Variants in ERAP1 observed in about 807,000 individuals in gnomAD.
ERAP1 encodes the protein adipocyte-derived leucine aminopeptidase.
Under a neutral mutation model 103.7 loss-of-function variants are expected in ERAP1, and 86 were observed. That is an observed-to-expected ratio of 0.83 (90% CI 0.70 to 0.99). The LOEUF is 0.99. Among genes scored for constraint, ERAP1 ranks in the 50% least tolerant of loss-of-function variants. The probability of loss-of-function intolerance (pLI) is 0.00; values close to 1 mark genes in which losing one functional copy is unlikely to be tolerated. For synonymous variants in ERAP1, 398 were observed against 402.4 expected (o/e 0.99, Z 0.13); for missense variants, 1,009 against 1,128.4 (o/e 0.89, Z 1.52).
chr5:96,924,441 A>G, the ERAP1 span, among the ~76,000 whole-genome samples: 2 of 152,260 alleles, frequency 1.3e-5, no homozygotes, highest in Non-Finnish European at 1.5e-5. Context: ...AAAAACAAAC[A>G]AAAAGCTCAA....
chr5:96,928,201 C>A, the ERAP1 span, among the ~76,000 whole-genome samples: 1 of 152,184 alleles, frequency 6.6e-6, no homozygotes, highest in Non-Finnish European at 1.5e-5. Context: ...CTTTTCATTT[C>A]TTGATACTAT....
intron 13 of ERAP1, chr5:96,785,183 C>A (rs1775820484): frequency 6.6e-6 from 1 of 152,236 alleles, no homozygotes; most frequent in African/African-American, 2.5e-5. Context: ...TCCTTAAAAA[C>A]CATTGTCATG....
chr5:96,888,518 T>G, the ERAP1 span, among the ~76,000 whole-genome samples: 1 of 152,256 alleles, frequency 6.6e-6, no homozygotes, highest in African/African-American at 2.4e-5. Context: ...GCACAGTGCC[T>G]GGTAAACTGT....
intron 2 of ERAP1, among the ~76,000 whole-genome samples, chr5:96,802,226 A>G (rs1322157951): frequency 6.6e-6 from 1 of 152,176 alleles, no homozygotes; most frequent in Non-Finnish European, 1.5e-5. Flanking sequence ...AAACAATTTC[A>G]TTTCCATTCC....
At chr5:96,782,177 A>AT (rs1160705883) in intron 15 of ERAP1, among the ~76,000 whole-genome samples, 16 of 151,804 alleles carry the variant, frequency 1.1e-4, no homozygotes, top group African/African-American at 3.6e-4. Flanking sequence ...TGCCCGGCTC[A>AT]TTTTTTGTAT....
chr5:96,783,300 C>A, intron 14 of ERAP1, 65 bp from the exon 15 acceptor site: 1 of 1,468,348 alleles, frequency 6.8e-7, no homozygotes. Flanking sequence ...TTAATATAAT[C>A]CATTATGGTC....
the ERAP1 span, among the ~76,000 whole-genome samples, chr5:96,849,555 A>C: frequency 2.0e-5 from 3 of 152,174 alleles, no homozygotes; most frequent in Admixed American, 6.6e-5. Flanking sequence ...TAACCAAGGA[A>C]GTGAAAGATC....
the ERAP1 span, among the ~76,000 whole-genome samples, chr5:96,924,177 GTGTGCTTGTCC>G: frequency 6.6e-6 from 1 of 152,212 alleles, no homozygotes; most frequent in African/African-American, 2.4e-5. Context: ...TATGTATCCT[GTGTGCTTGTCC>G]TGATTGGCCC....
At chr5:96,896,803 C>T in the ERAP1 span, 1 of 1,605,326 alleles carries the variant, frequency 6.2e-7, no homozygotes, top group Non-Finnish European at 8.5e-7. Context: ...TAATTCAGTA[C>T]TTAAAGAAGT....
At chr5:96,843,584 A>T in the ERAP1 span, among the ~76,000 whole-genome samples, 1 of 152,080 alleles carries the variant, frequency 6.6e-6, no homozygotes, top group African/African-American at 2.4e-5. Context: ...TTTCCTTTTG[A>T]TTTAGTTCCA....
the ERAP1 span, chr5:96,876,463 T>A: frequency 6.6e-6 from 1 of 152,358 alleles, no homozygotes; most frequent in South Asian, 2.1e-4. Flanking sequence ...TTCTGAATCT[T>A]AGAACAGAAA....
At chr5:96,861,366 T>A in the ERAP1 span, among the ~76,000 whole-genome samples, 1 of 152,120 alleles carries the variant, frequency 6.6e-6, no homozygotes, top group Non-Finnish European at 1.5e-5. Flanking sequence ...GTGGCCTAAT[T>A]AAGGAGAGTT....
chr5:96,879,941 C>G, the ERAP1 span: 2 of 1,614,180 alleles, frequency 1.2e-6, no homozygotes, highest in Non-Finnish European at 1.7e-6. Flanking sequence ...CCACCCCAAT[C>G]TCACCTCTCT....
chr5:96,776,421 T>A lies in ERAP1; in HGVS notation c.2801A>T (p.Gln934Leu). Residue 934 changes from glutamine to leucine, a missense_variant, in exon 19 of 19, where the codon CAA (glutamine) becomes CTA (leucine). Physicochemically the swap from Gln to Leu is moderately radical, Grantham distance 113. Coordinates refer to ENST00000443439, the MANE Select transcript of ERAP1 (RefSeq NM_001040458.3). Reference protein sequence around the residue: ...KNFDKIRVWLQSEKLERM With the variant: ...KNFDKIRVWLLSEKLERM ...TTACATACGTTCAAGCTTTTCACTT[T>A]GCAGCCACACTCTGATTTTATCAAA... is the stretch of plus-strand genomic sequence containing the variant. 6.2e-7 allele frequency: 1 copy of A among 1,612,906 alleles called. No individual in the cohort carries two copies. Among genetic ancestry groups the A allele is most frequent in the Non-Finnish European group, 8.5e-7 (1 of 1,179,594 alleles).
At chr5:96,857,302 C>G in the ERAP1 span, among the ~76,000 whole-genome samples, 2 of 152,156 alleles carry the variant, frequency 1.3e-5, no homozygotes, top group African/African-American at 4.8e-5. Context: ...ACATGTCACA[C>G]TGGGTTATTG....
At chr5:96,873,153 C>T in the ERAP1 span, 2 of 348,580 alleles carry the variant, frequency 5.7e-6, no homozygotes, top group African/African-American at 4.3e-5. Context: ...TGTGCCACCG[C>T]ACTCCAGCCT....
At chr5:96,812,070 T>C (rs928140388), upstream of ERAP1, among the ~76,000 whole-genome samples, 3 of 152,272 alleles carry the variant, frequency 2.0e-5, no homozygotes, top group African/African-American at 4.8e-5. Flanking sequence ...CTAATGAGAC[T>C]GAATATATGC....
the ERAP1 span, among the ~76,000 whole-genome samples, chr5:96,832,909 C>T: frequency 1.8e-4 from 28 of 152,176 alleles, 1 homozygote; most frequent in Middle Eastern, 6.8e-3. Context: ...AAGATGGGGC[C>T]TTTGAGACTA....
At chr5:96,885,941 A>C in the ERAP1 span, among the ~76,000 whole-genome samples, 1 of 152,202 alleles carries the variant, frequency 6.6e-6, no homozygotes, top group Non-Finnish European at 1.5e-5. Context: ...CAGAAGCTTA[A>C]ATTACTAATG....
Sources: gnomAD v4.1 joint callset for allele counts (sites outside exome capture counted in the v4.1 genomes callset) on GRCh38, gnomAD v4.1.1 for gene constraint, MANE v1.5 for transcripts, NCBI Gene and HGNC (gene_info 2026-07-23, HGNC 2026-07-21) for gene names.